The following SPTLC3 variants were observed in gnomAD, a reference collection of about 807,000 sequenced individuals.
SPTLC3 encodes the protein serine palmitoyltransferase 3.
In SPTLC3, 36 loss-of-function variants were observed where a neutral mutation model predicts 59.3. The observed-to-expected ratio is 0.61, with a 90% confidence interval of 0.47 to 0.80. The LOEUF (loss-of-function observed/expected upper bound fraction) is 0.80. Ranked by LOEUF, SPTLC3 falls within the 30% of genes least tolerant of loss-of-function variation. The pLI is 0.00. For missense variants in SPTLC3, 625 were observed against 685.1 expected, an observed-to-expected ratio of 0.91 and a Z score of 0.98; for synonymous variants, 257 against 240.8, an observed-to-expected ratio of 1.07 and a Z score of -0.62.
At position 13,165,839 on chromosome 20, in the gene SPTLC3, T is replaced by C. The variant is rs2038977602; in HGVS notation, c.*972T>C. Reference sequence around the variant, plus strand: ...GACATTTAAAAGCAAATTCTGACTTTTTCAAGACCAACACACTTGTTTAGG... The same window carrying C: ...GACATTTAAAAGCAAATTCTGACTTCTTCAAGACCAACACACTTGTTTAGG... On this transcript the variant is annotated 3_prime_UTR_variant, in exon 12 of 12. Coordinates refer to ENST00000399002, the MANE Select transcript of SPTLC3 (RefSeq NM_018327.4). 1.3e-5 allele frequency: 2 copies of C among 152,210 alleles called. No individual in the cohort carries two copies. Among genetic ancestry groups the C allele is most frequent in the Admixed American group, 1.3e-4 (2 of 15,268 alleles). The allele number at this position is 152,210 out of a possible 1,614,324, so 9.4% of individuals were successfully genotyped here.
chr20:13,070,028 A>G (rs1270376123), intron 2 of SPTLC3, among the ~76,000 whole-genome samples: 1 of 152,174 alleles, frequency 6.6e-6, no homozygotes, highest in Non-Finnish European at 1.5e-5. Context: ...AGCAGTAAAC[A>G]GTCTGAAAAA....
Position 13,164,816 on chromosome 20 carries a change from G to T in SPTLC3, c.1608G>T (p.Lys536Asn). 1 of 1,613,872 alleles carries T rather than the reference G, an allele frequency of 6.2e-7. No individual in the cohort carries two copies. The highest frequency in any genetic ancestry group is 8.5e-7 in the Non-Finnish European group (1 of 1,179,884). Residue 536 changes from lysine to asparagine, a missense_variant, in exon 12 of 12, where the codon AAG becomes AAT. Physicochemically the swap from Lys to Asn is moderately conservative, Grantham distance 94. Transcript: ENST00000399002. Reference sequence around the variant, plus strand: ...AACTGAAATATTCCCGGCACAAGAAGTCAGCACGTCCTGAGCTCTATGATG... The same window carrying T: ...AACTGAAATATTCCCGGCACAAGAATTCAGCACGTCCTGAGCTCTATGATG... ...LLQLKYSRHK[K>N]SARPELYDET...
intron 7 of SPTLC3, 21 bp downstream of exon 7, chr20:13,110,238 A>G: frequency 6.2e-7 from 1 of 1,602,502 alleles, no homozygotes; most frequent in Non-Finnish European, 8.5e-7. Context: ...AACAGGACAC[A>G]TTTTACGACT....
intron 6 of SPTLC3, among the ~76,000 whole-genome samples, chr20:13,102,402 G>A (rs993550756): frequency 1.3e-5 from 2 of 152,136 alleles, no homozygotes; most frequent in East Asian, 1.9e-4. Context: ...GACAGATGAA[G>A]AAGAAACATC....
rs773205221 is a variant in SPTLC3 at position 13,130,787 on chromosome 20, G to T, written c.1279+4070G>T. 2.2e-4 allele frequency among the ~76,000 whole-genome samples: 34 copies of T among 152,218 alleles called. 1 individual carries two copies. The highest frequency in any genetic ancestry group is 2.0e-4 in the Admixed American group (3 of 15,286). On this transcript the variant is annotated intron_variant, in intron 9 of 11. Coordinates refer to ENST00000399002, the MANE Select transcript of SPTLC3 (RefSeq NM_018327.4). ...GTGGTCTTCCAGCCAAGCCAATGTT[G>T]TAAGCCCCTTAAGGGCAAGAAATGT... is the stretch of plus-strand genomic sequence containing the variant.
chr20:13,084,985 C>T (rs950938831), intron 4 of SPTLC3, among the ~76,000 whole-genome samples: 1 of 152,134 alleles, frequency 6.6e-6, no homozygotes, highest in Non-Finnish European at 1.5e-5. Context: ...ATCTGTGCCC[C>T]ACTTAAGGTT....
chr20:13,012,657 A>G (rs1426289846), intron 1 of SPTLC3, among the ~76,000 whole-genome samples: 1 of 152,214 alleles, frequency 6.6e-6, no homozygotes, highest in Non-Finnish European at 1.5e-5. Context: ...TCAGGCAGGC[A>G]TCTCCTGTAC....
intron 1 of SPTLC3, among the ~76,000 whole-genome samples, chr20:13,024,999 A>G (rs972674011): frequency 6.6e-6 from 1 of 152,190 alleles, no homozygotes; most frequent in African/African-American, 2.4e-5. Context: ...TTTCTTTAGT[A>G]TCAATTTCAA....
chr20:13,044,880 C>G (rs1470429696), intron 1 of SPTLC3, among the ~76,000 whole-genome samples: 1 of 152,040 alleles, frequency 6.6e-6, no homozygotes, highest in African/African-American at 2.4e-5. Flanking sequence ...ACACCAGACT[C>G]CAGTTCAACC....
chr20:13,094,870 CTT>C (rs2122637738), intron 6 of SPTLC3, among the ~76,000 whole-genome samples: 1 of 152,290 alleles, frequency 6.6e-6, no homozygotes, highest in South Asian at 2.1e-4. Flanking sequence ...CCCCCTCAGA[CTT>C]ATAGGGTGGC....
rs1600239926 is a variant in SPTLC3 at position 13,059,688 on chromosome 20, C to T, written c.303+10558C>T. On this transcript the variant is annotated intron_variant, in intron 2 of 11. Coordinates refer to ENST00000399002, the MANE Select transcript of SPTLC3 (RefSeq NM_018327.4). ...TTGTAGCTGTTCTGCCCCACACATT[C>T]ATCATTACTAGCTTTCTGTCTCCGG... 2.6e-5 allele frequency among the ~76,000 whole-genome samples: 4 copies of T among 152,294 alleles called. No individual in the cohort carries two copies. In the South Asian group the frequency reaches 6.2e-4, roughly 24 times the overall value.
rs193004171 is a variant in SPTLC3 at position 13,057,960 on chromosome 20, G to A, written c.303+8830G>A. On this transcript the variant is annotated intron_variant, in intron 2 of 11. Transcript: ENST00000399002. ...CAAGTGCAGCCAATTCTACAGGTCC[G>A]CATTTCTCAAGTCGCTATGGTCCCA... 4.3e-4 allele frequency among the ~76,000 whole-genome samples: 65 copies of A among 152,226 alleles called. 2 individuals are homozygous for A. The highest frequency in any genetic ancestry group is 3.3e-3 in the South Asian group (16 of 4,822).
intron 9 of SPTLC3, among the ~76,000 whole-genome samples, chr20:13,153,021 G>A (rs2038684051): frequency 6.6e-6 from 1 of 152,192 alleles, no homozygotes; most frequent in Non-Finnish European, 1.5e-5. Context: ...GTCTGCTAAA[G>A]ACAACCAATA....
intron 9 of SPTLC3, among the ~76,000 whole-genome samples, chr20:13,142,486 C>T (rs774453859): frequency 6.6e-6 from 1 of 152,212 alleles, no homozygotes; most frequent in East Asian, 1.9e-4. Flanking sequence ...TTCCTTCCTA[C>T]AGCTGGGGAG....
intron 2 of SPTLC3, among the ~76,000 whole-genome samples, chr20:13,068,897 T>C (rs1243970954): frequency 1.3e-5 from 2 of 152,208 alleles, no homozygotes; most frequent in African/African-American, 4.8e-5. Flanking sequence ...TTAGAATCCC[T>C]GTATCTTGCC....
At chr20:13,103,287 C>T (rs974087417) in intron 6 of SPTLC3, among the ~76,000 whole-genome samples, 1 of 152,282 alleles carries the variant, frequency 6.6e-6, no homozygotes, top group African/African-American at 2.4e-5. Context: ...GTCCTCCCCA[C>T]CACCATCTTA....
intron 1 of SPTLC3, among the ~76,000 whole-genome samples, chr20:13,039,103 G>A (rs1986863185): frequency 6.6e-6 from 1 of 151,880 alleles, no homozygotes; most frequent in Non-Finnish European, 1.5e-5. Context: ...TTGCTGTTTT[G>A]GGGAGACGTG....
At chr20:13,138,310 T>G (rs1352702460) in intron 9 of SPTLC3, among the ~76,000 whole-genome samples, 35 of 152,248 alleles carry the variant, frequency 2.3e-4, no homozygotes, top group African/African-American at 8.4e-4. Flanking sequence ...GCAGGCAGCT[T>G]TTCCTCTATC....
chr20:13,046,711 C>T (rs1220383018), intron 1 of SPTLC3, among the ~76,000 whole-genome samples: 1 of 152,118 alleles, frequency 6.6e-6, no homozygotes, highest in African/African-American at 2.4e-5. Flanking sequence ...AATAGCATAG[C>T]AAGATCAGCC....
Sources: allele counts gnomAD v4.1 joint callset (sites outside exome capture counted in the v4.1 genomes callset), GRCh38; gene constraint gnomAD v4.1.1; transcripts MANE v1.5; gene names NCBI Gene and HGNC (gene_info 2026-07-23, HGNC 2026-07-21).